The following LPIN1 variants were observed in gnomAD, a reference collection of about 807,000 sequenced individuals.
LPIN1 encodes lipin 1, also known as phosphatidate phosphatase LPIN1.
LPIN1 carries 71 observed loss-of-function variants against 107.5 expected under a neutral mutation model. The ratio of observed to expected loss-of-function variants is 0.66; its 90% confidence interval spans 0.55 to 0.80. The LOEUF (loss-of-function observed/expected upper bound fraction) is 0.80, where lower values mean the gene tolerates loss of function less well. Ranked by LOEUF, LPIN1 falls within the 30% of genes least tolerant of loss-of-function variation. The pLI is 0.00. For synonymous variants in LPIN1, 445 were observed against 452.6 expected (o/e 0.98, Z 0.21); for missense variants, 1,043 against 1,160.6 (o/e 0.90, Z 1.47).
chr2:11,785,454 G>A (rs1416259083), intron 10 of LPIN1, among the ~76,000 whole-genome samples: 1 of 152,186 alleles, frequency 6.6e-6, no homozygotes, highest in Admixed American at 6.5e-5. Flanking sequence ...AGGAGGGCTG[G>A]GAACTTTTCC....
chr2:11,752,263 G>C (rs1447118909), intron 1 of LPIN1, among the ~76,000 whole-genome samples: 1 of 152,012 alleles, frequency 6.6e-6, no homozygotes, highest in Non-Finnish European at 1.5e-5. Context: ...ACTTTTCATG[G>C]GCCCTGGGGT....
chr2:11,716,468 A>G (rs554877035), intron 2 of LPIN1, among the ~76,000 whole-genome samples: 1 of 151,964 alleles, frequency 6.6e-6, no homozygotes, highest in South Asian at 2.1e-4. Flanking sequence ...TCTCCCTGAC[A>G]CTGTCCCCCT....
At chr2:11,721,578 T>G (rs1158778614), upstream of LPIN1, 1 of 152,168 alleles carries the variant, frequency 6.6e-6, no homozygotes, top group Admixed American at 6.5e-5. Flanking sequence ...TAACTGGGTC[T>G]CTATCCTCAC....
intron 1 of LPIN1, among the ~76,000 whole-genome samples, chr2:11,734,615 G>C (rs1249404872): frequency 1.3e-5 from 2 of 152,178 alleles, no homozygotes; most frequent in Non-Finnish European, 2.9e-5. Flanking sequence ...CTGCCAGATA[G>C]GCTCTCTTTT....
chr2:11,755,200 C>T (rs924177306), intron 1 of LPIN1, among the ~76,000 whole-genome samples: 2 of 152,042 alleles, frequency 1.3e-5, no homozygotes, highest in Non-Finnish European at 2.9e-5. Flanking sequence ...ATCTCCTGAC[C>T]TCGTGATCCG....
chr2:11,741,209 G>T (rs1448361975), intron 1 of LPIN1: 6 of 584,306 alleles, frequency 1.0e-5, no homozygotes. Context: ...CTGACCAGGA[G>T]CCCGGGAGTC....
intron 1 of LPIN1, among the ~76,000 whole-genome samples, chr2:11,708,762 G>A (rs1001512247): frequency 1.3e-5 from 2 of 152,142 alleles, no homozygotes; most frequent in Non-Finnish European, 2.9e-5. Flanking sequence ...AGCAAGCCAG[G>A]GTTAGAGTTA....
At position 11,825,289 on chromosome 2, in the gene LPIN1, T is replaced by C. The variant is rs1682228154; in HGVS notation, c.*498T>C. ...CAGTGGGGAGGGCTGTGAAGGCTCA[T>C]GTGACCTGGATCTGAGGTCTCTGAT... On this transcript the variant is annotated 3_prime_UTR_variant, in exon 21 of 21. Transcript: ENST00000674199. The surrounding 1 kb of genome is among the most constrained non-coding windows in gnomAD (Gnocchi z 4.1). 1 of 175,202 alleles carries C rather than the reference T, an allele frequency of 5.7e-6. No homozygotes were observed. Among genetic ancestry groups the C allele is most frequent in the Non-Finnish European group, 1.2e-5 (1 of 81,550 alleles). The allele number at this position is 175,202 out of a possible 1,614,324, so 10.9% of individuals were successfully genotyped here.
chr2:11,753,538 G>T (rs949620043), intron 1 of LPIN1, among the ~76,000 whole-genome samples: 1 of 152,204 alleles, frequency 6.6e-6, no homozygotes, highest in African/African-American at 2.4e-5. Flanking sequence ...CCTGGCAGAG[G>T]GCAGCAGCTG....
intron 1 of LPIN1, among the ~76,000 whole-genome samples, chr2:11,759,842 C>T (rs1381179085): frequency 3.6e-5 from 5 of 138,978 alleles, no homozygotes; most frequent in South Asian, 2.4e-4. Flanking sequence ...CCGGACGGGG[C>T]GGCTGGCCGG....
At chr2:11,721,310 CA>C (rs1332867422), upstream of LPIN1, among the ~76,000 whole-genome samples, 1 of 74,384 alleles carries the variant, frequency 1.3e-5, no homozygotes, top group East Asian at 3.7e-4. Flanking sequence ...GTGTGTGTGT[CA>C]GGGGTGAGGA....
intron 2 of LPIN1, among the ~76,000 whole-genome samples, chr2:11,718,482 C>T (rs1010043806): frequency 6.6e-6 from 1 of 152,188 alleles, no homozygotes; most frequent in Non-Finnish European, 1.5e-5. Flanking sequence ...CTGCCTGCCT[C>T]TGCCTCCCAA....
chr2:11,790,207 G>A (rs187940979), intron 12 of LPIN1, among the ~76,000 whole-genome samples: 215 of 152,314 alleles, frequency 1.4e-3, no homozygotes, highest in Middle Eastern at 3.4e-3. Context: ...TATTGAATTG[G>A]TGAAGATGAT....
At position 11,824,663 on chromosome 2, in the gene LPIN1, G is replaced by A. The variant is rs770419484; in HGVS notation, c.2653G>A (p.Val885Ile). ...GAGACTCTGTGAAGTAGTCGACCACGTTTTCCCGTTGCTGAAAAGAAGCCA... is the reference window on the plus strand; with the variant it reads ...GAGACTCTGTGAAGTAGTCGACCACATTTTCCCGTTGCTGAAAAGAAGCCA... ...YVRLCEVVDHVFPLLKRSHSS... is the reference protein window; with the variant it reads ...YVRLCEVVDHIFPLLKRSHSS... Residue 885 changes from valine to isoleucine, a missense_variant, in exon 21 of 21, where the codon GTT (valine) becomes ATT (isoleucine). By Grantham distance (29) the Val-to-Ile change is conservative (BLOSUM62 3). Coordinates refer to ENST00000674199, the MANE Select transcript of LPIN1 (RefSeq NM_001349206.2). 15 of 1,613,900 alleles carry A rather than the reference G, an allele frequency of 9.3e-6. No individual in the cohort carries two copies. The highest frequency in any genetic ancestry group is 2.2e-5 in the East Asian group (1 of 44,862).
intron 17 of LPIN1, among the ~76,000 whole-genome samples, chr2:11,807,631 T>G (rs1678937247): frequency 6.6e-6 from 1 of 152,142 alleles, no homozygotes; most frequent in Admixed American, 6.5e-5. Flanking sequence ...CTTTGATTGG[T>G]TGGTTTAGAA....
intron 9 of LPIN1, chr2:11,784,661 G>A: frequency 1.6e-6 from 1 of 616,338 alleles, no homozygotes; most frequent in Admixed American, 2.5e-5. Context: ...ATATTTTAGG[G>A]GGATACAGGG....
chr2:11,747,089 G>A (rs1667072262), intron 1 of LPIN1, among the ~76,000 whole-genome samples: 3 of 152,240 alleles, frequency 2.0e-5, no homozygotes, highest in Admixed American at 6.5e-5. Flanking sequence ...CCGGGGACTG[G>A]GATGAGAGCC....
At position 11,782,366 on chromosome 2, in the gene LPIN1, G is replaced by C. The variant is rs1673720313; in HGVS notation, c.1123G>C (p.Glu375Gln). The C allele has an allele frequency of 6.2e-7, 1 of 1,614,108 alleles. No homozygotes were observed. Among genetic ancestry groups the C allele is most frequent in the Non-Finnish European group, 8.5e-7 (1 of 1,180,060 alleles). The change falls in exon 8 of 21, where the codon GAA becomes CAA. Residue 375 changes from glutamate to glutamine, a missense_variant. Coordinates refer to ENST00000674199, the MANE Select transcript of LPIN1 (RefSeq NM_001349206.2). Reference sequence around the variant, plus strand: ...TTTGGACCAGAACAAGCCTCAGACAGAAATGCAGTTTGTGAATGAAGAAGA... The same window carrying C: ...TTTGGACCAGAACAAGCCTCAGACACAAATGCAGTTTGTGAATGAAGAAGA... ...ALLDQNKPQTEMQFVNEEDLE... is the reference protein window; with the variant it reads ...ALLDQNKPQTQMQFVNEEDLE...
At chr2:11,784,638 C>T in intron 9 of LPIN1, 6 of 574,698 alleles carry the variant, frequency 1.0e-5, no homozygotes, top group Non-Finnish European at 1.9e-5. Context: ...GGACAGCTTG[C>T]TTCTTCTTCA....
Sources: allele counts gnomAD v4.1 joint callset (sites outside exome capture counted in the v4.1 genomes callset), GRCh38; gene constraint gnomAD v4.1.1; non-coding constraint Gnocchi (gnomAD v3.1); transcripts MANE v1.5; gene names NCBI Gene and HGNC (gene_info 2026-07-23, HGNC 2026-07-21).